TMEM200A: variants seen among roughly 807,000 people sequenced by gnomAD.
TMEM200A encodes the protein transmembrane protein 200A.
Under a neutral mutation model 24.3 loss-of-function variants are expected in TMEM200A, and 12 were observed. That is an observed-to-expected ratio of 0.49 (90% CI 0.32 to 0.80). The LOEUF is 0.80. Ranked by LOEUF, TMEM200A falls within the 30% of genes least tolerant of loss-of-function variation. The pLI is 0.04. For synonymous variants in TMEM200A, 224 were observed against 224.4 expected (o/e 1.00, Z 0.02); for missense variants, 545 against 614.4 (o/e 0.89, Z 1.19).
In TMEM200A at chr6:130,377,013, A is replaced by C. The variant is rs528103507; in HGVS notation, c.-80-8160A>C. On this transcript the variant is annotated intron_variant, in intron 1 of 2. Coordinates refer to ENST00000296978, the MANE Select transcript of TMEM200A (RefSeq NM_001258277.2). ...TATTTAGCTCAGTGTCTTCTGGGAG[A>C]TCTATTCAAATATACTTATTAAGTC... Among the ~76,000 whole-genome samples, 20 of 152,290 alleles carry C rather than the reference A, an allele frequency of 1.3e-4. No individual in the cohort carries two copies. In the South Asian group the frequency reaches 3.9e-3, roughly 30 times the overall value.
chr6:130,371,891 C>T (rs532825399), intron 1 of TMEM200A, among the ~76,000 whole-genome samples: 1 of 152,260 alleles, frequency 6.6e-6, no homozygotes, highest in South Asian at 2.1e-4. Flanking sequence ...CAGAGGGAGA[C>T]AGGATTTTAT....
At chr6:130,438,988 A>T (rs1780089516) in intron 2 of TMEM200A, 1 of 149,404 alleles carries the variant, frequency 6.7e-6, no homozygotes, top group Admixed American at 6.8e-5. Flanking sequence ...AACATTGTTA[A>T]CAAAATCTCA....
At chr6:130,385,035 G>A (rs1378861853) in intron 1 of TMEM200A, 138 bp from the exon 2 acceptor site, 1 of 152,146 alleles carries the variant, frequency 6.6e-6, no homozygotes, top group Non-Finnish European at 1.5e-5. Flanking sequence ...TATTCTTTTG[G>A]ATATAAATGT....
At position 130,440,682 on chromosome 6, in the gene TMEM200A, A is replaced by G; in HGVS notation, c.260A>G (p.Lys87Arg). 1 of 1,614,032 alleles carries G rather than the reference A, an allele frequency of 6.2e-7. No homozygotes were observed. Among genetic ancestry groups the G allele is most frequent in the Non-Finnish European group, 8.5e-7 (1 of 1,179,898 alleles). The change falls in exon 3 of 3, where the codon AAA (lysine) becomes AGA (arginine). Residue 87 changes from lysine (K) to arginine (R), a missense_variant. Physicochemically the swap from Lys to Arg is conservative, Grantham distance 26. Transcript: ENST00000296978. Reference sequence around the variant, plus strand: ...GCCGTTCTTGGATATTGGCCCCAAAAAGAACATTTTATTGATGCTGAAACA... The same window carrying G: ...GCCGTTCTTGGATATTGGCCCCAAAGAGAACATTTTATTGATGCTGAAACA... The part of the protein sequence containing the change: ...AMAVLGYWPQ[K>R]EHFIDAETTL...
rs145642951 is a variant in TMEM200A, at chr6:130,387,470, A to C, written c.-17+2234A>C. Among the ~76,000 whole-genome samples, 739 of 152,142 alleles carry C rather than the reference A, an allele frequency of 4.9e-3. 2 individuals carry two copies. The highest frequency in any genetic ancestry group is 7.9e-3 in the Non-Finnish European group (537 of 68,000). On this transcript the variant is annotated intron_variant, in intron 2 of 2. Coordinates refer to ENST00000296978, the MANE Select transcript of TMEM200A (RefSeq NM_001258277.2). Reference sequence around the variant, plus strand: ...GAATTTTTAGTTGAGATGGGGTTTCACCATGTTGGCCAGGCTGGTCTCGAA... The same window carrying C: ...GAATTTTTAGTTGAGATGGGGTTTCCCCATGTTGGCCAGGCTGGTCTCGAA...
At chr6:130,376,647 A>G (rs1778462444) in intron 1 of TMEM200A, among the ~76,000 whole-genome samples, 2 of 152,208 alleles carry the variant, frequency 1.3e-5, no homozygotes, top group African/African-American at 2.4e-5. Flanking sequence ...GGAAAGAGAT[A>G]ATATGTTCCT....
chr6:130,400,928 A>G (rs1455706491), intron 2 of TMEM200A, among the ~76,000 whole-genome samples: 2 of 152,090 alleles, frequency 1.3e-5, no homozygotes, highest in East Asian at 3.9e-4. Flanking sequence ...AAACAAATAA[A>G]TAAACAAAAT....
chr6:130,403,865 C>G (rs1247108241), intron 2 of TMEM200A, among the ~76,000 whole-genome samples: 1 of 152,078 alleles, frequency 6.6e-6, no homozygotes, highest in Non-Finnish European at 1.5e-5. Context: ...TGTTGTTCCT[C>G]TCTATGTGTC....
chr6:130,371,057 A>G (rs1369131645), intron 1 of TMEM200A, among the ~76,000 whole-genome samples: 1 of 152,202 alleles, frequency 6.6e-6, no homozygotes, highest in Non-Finnish European at 1.5e-5. Context: ...TGTGAGCAAT[A>G]TTATGAAGTT....
chr6:130,440,698 T>C lies in TMEM200A; in HGVS notation c.276T>C (p.Asp92=). Residue 92 remains aspartate, a synonymous_variant, in exon 3 of 3, where the codon GAT becomes GAC. Transcript: ENST00000296978. ...GYWPQKEHFI[D]AETTLSTNET... is the part of the protein sequence containing the mutation. ...GGCCCCAAAAAGAACATTTTATTGA[T>C]GCTGAAACAACACTGTCAACAAATG... 6.2e-7 allele frequency: 1 copy of C among 1,614,120 alleles called. No individual in the cohort carries two copies. The highest frequency in any genetic ancestry group is 1.1e-5 in the South Asian group (1 of 91,080).
rs775367537 is a variant in TMEM200A, at chr6:130,440,874, G to A, written c.452G>A (p.Arg151His). The A allele has an allele frequency of 6.8e-6, 11 of 1,613,826 alleles. No individual in the cohort carries two copies. Among genetic ancestry groups the A allele is most frequent in the Non-Finnish European group, 9.3e-6 (11 of 1,179,982 alleles). The change falls in exon 3 of 3, where the codon CGT (arginine) becomes CAT (histidine). Residue 151 changes from arginine (R) to histidine (H), a missense_variant. Arg to His is a conservative substitution (Grantham distance 29). Transcript: ENST00000296978. ...ICANAILHEN[R>H]DKETKIIHMR... ...GCTAATGCCATTCTTCATGAAAACC[G>A]TGACAAAGAGACCAAAATCATACAC...
At chr6:130,391,652 A>G (rs1778834351) in intron 2 of TMEM200A, among the ~76,000 whole-genome samples, 2 of 151,734 alleles carry the variant, frequency 1.3e-5, no homozygotes, top group Admixed American at 6.6e-5. Flanking sequence ...TATATTTCAC[A>G]AGGTCCAGAA....
At chr6:130,389,820 G>A (rs1053016763) in intron 2 of TMEM200A, among the ~76,000 whole-genome samples, 2 of 152,120 alleles carry the variant, frequency 1.3e-5, no homozygotes, top group African/African-American at 4.8e-5. Context: ...TGCTAACTAA[G>A]GGACTCAGAT....
intron 2 of TMEM200A, among the ~76,000 whole-genome samples, chr6:130,393,149 C>T (rs1459410254): frequency 6.6e-6 from 1 of 152,126 alleles, no homozygotes; most frequent in African/African-American, 2.4e-5. Context: ...TCAGTAGATA[C>T]CCAAAGAGAA....
At chr6:130,427,840 G>GT (rs919707571) in intron 2 of TMEM200A, among the ~76,000 whole-genome samples, 18 of 150,482 alleles carry the variant, frequency 1.2e-4, no homozygotes, top group Admixed American at 2.6e-4. Flanking sequence ...GAACATTTCT[G>GT]TTTTTTTCTT....
At chr6:130,386,205 G>A (rs550282068) in intron 2 of TMEM200A, among the ~76,000 whole-genome samples, 2 of 152,270 alleles carry the variant, frequency 1.3e-5, no homozygotes, top group African/African-American at 4.8e-5. Flanking sequence ...GTAAATCCAG[G>A]AGCTTGAACA....
intron 2 of TMEM200A, among the ~76,000 whole-genome samples, chr6:130,409,660 C>T (rs1779287311): frequency 6.6e-6 from 1 of 152,040 alleles, no homozygotes; most frequent in African/African-American, 2.4e-5. Flanking sequence ...ATTTTGATGT[C>T]TCATGACTAG....
chr6:130,366,468 C>T lies in TMEM200A; in HGVS notation c.-137C>T. 4.1e-6 allele frequency: 4 copies of T among 985,892 alleles called. No homozygotes were observed. Among genetic ancestry groups the T allele is most frequent in the South Asian group, 4.7e-5 (1 of 21,304 alleles). 61.1% of individuals were successfully genotyped at this position (985,892 alleles called of 1,614,324 possible). A position where few individuals can be genotyped will look rare whatever the true frequency, so the allele number is the denominator to read the frequency against. On this transcript the variant is annotated 5_prime_UTR_variant, in exon 1 of 3. Coordinates refer to ENST00000296978, the MANE Select transcript of TMEM200A (RefSeq NM_001258277.2). The surrounding 1 kb of genome is among the most constrained non-coding windows in gnomAD (Gnocchi z 4.4). ...CGTCCCGACAGCTCCTGGAGTGAGACCAGGACTGAGAACAGGGAGAGGCGA... is the reference window on the plus strand; with the variant it reads ...CGTCCCGACAGCTCCTGGAGTGAGATCAGGACTGAGAACAGGGAGAGGCGA...
chr6:130,382,752 G>A (rs1357137577), intron 1 of TMEM200A, among the ~76,000 whole-genome samples: 3 of 152,166 alleles, frequency 2.0e-5, no homozygotes, highest in Non-Finnish European at 4.4e-5. Flanking sequence ...CTCTGTTGAT[G>A]GAGAATTGAG....
Sources: allele counts gnomAD v4.1 joint callset (sites outside exome capture counted in the v4.1 genomes callset), GRCh38; gene constraint gnomAD v4.1.1; non-coding constraint Gnocchi (gnomAD v3.1); transcripts MANE v1.5; gene names NCBI Gene and HGNC (gene_info 2026-07-23, HGNC 2026-07-21).